KLF12: variants seen among roughly 807,000 people sequenced by gnomAD.
KLF12 encodes KLF transcription factor 12, also known as Krueppel-like factor 12.
A neutral mutation model predicts 37.8 loss-of-function variants in KLF12; 9 were observed. That is an observed-to-expected ratio of 0.24 (90% CI 0.14 to 0.42). The LOEUF (loss-of-function observed/expected upper bound fraction) is 0.42, where lower values mean the gene tolerates loss of function less well. Ranked by LOEUF, KLF12 falls within the 10% of genes least tolerant of loss-of-function variation. The pLI, the probability that KLF12 is intolerant of heterozygous loss-of-function variation, is 1.00. For missense variants in KLF12, 411 were observed against 516.0 expected (o/e 0.80, Z 1.97); for synonymous variants, 208 against 202.1 (o/e 1.03, Z -0.25).
chr13:73,922,287 CTA>C (rs1331500608), intron 3 of KLF12, among the ~76,000 whole-genome samples: 2 of 152,084 alleles, frequency 1.3e-5, no homozygotes, highest in Admixed American at 1.3e-4. Context: ...CTTCAGTTGT[CTA>C]TGTTAGACAT....
At chr13:73,805,656 GGAAGGAAGGAA>G (rs1566380381) in intron 5 of KLF12, among the ~76,000 whole-genome samples, 26 of 35,124 alleles carry the variant, frequency 7.4e-4, no homozygotes, top group Admixed American at 1.3e-3. Flanking sequence ...GAGGGAGGAA[GGAAGGAAGGAA>G]GGAAGGAAGG....
intron 2 of KLF12, among the ~76,000 whole-genome samples, chr13:73,960,100 T>A (rs1386437341): frequency 6.6e-6 from 1 of 152,166 alleles, no homozygotes; most frequent in African/African-American, 2.4e-5. Context: ...ACAATCGACC[T>A]GCTTCCAGTA....
chr13:73,807,849 T>C (rs1325497541), intron 5 of KLF12, among the ~76,000 whole-genome samples: 1 of 152,232 alleles, frequency 6.6e-6, no homozygotes, highest in East Asian at 1.9e-4. Flanking sequence ...ATCCTTTAGC[T>C]TGTTCCTAGT....
At chr13:74,228,876 G>GAA in the KLF12 span, among the ~76,000 whole-genome samples, 3 of 144,634 alleles carry the variant, frequency 2.1e-5, no homozygotes, top group African/African-American at 5.1e-5. Context: ...TCATTAAATT[G>GAA]AAAAAAAAAA....
chr13:74,061,780 T>C (rs568050865), intron 1 of KLF12, among the ~76,000 whole-genome samples: 1 of 152,336 alleles, frequency 6.6e-6, no homozygotes, highest in East Asian at 1.9e-4. Flanking sequence ...CTACTTTGAA[T>C]ACGTAAAGTA....
intron 1 of KLF12, among the ~76,000 whole-genome samples, chr13:74,054,316 G>C (rs967905445): frequency 1.3e-5 from 2 of 152,038 alleles, no homozygotes; most frequent in South Asian, 4.2e-4. Context: ...CAAAAATTTG[G>C]TATCATTTAT....
At chr13:74,028,023 CAATTT>C (rs752864024) in intron 1 of KLF12, among the ~76,000 whole-genome samples, 1 of 152,068 alleles carries the variant, frequency 6.6e-6, no homozygotes, top group African/African-American at 2.4e-5. Flanking sequence ...TTGAATTGGC[CAATTT>C]AATAGCCATT....
intron 3 of KLF12, among the ~76,000 whole-genome samples, chr13:73,851,179 G>C (rs1004195633): frequency 1.3e-5 from 2 of 152,118 alleles, no homozygotes; most frequent in Admixed American, 6.6e-5. Context: ...AACTTCCTCC[G>C]GTTAGAACTA....
intron 3 of KLF12, among the ~76,000 whole-genome samples, chr13:73,917,006 C>T (rs958064267): frequency 4.6e-5 from 7 of 152,178 alleles, no homozygotes; most frequent in South Asian, 2.1e-4. Context: ...ATTCCGTAGG[C>T]CACTCTTGTG....
the KLF12 span, among the ~76,000 whole-genome samples, chr13:74,267,996 G>A: frequency 4.6e-5 from 7 of 152,172 alleles, no homozygotes; most frequent in Admixed American, 1.3e-4. Flanking sequence ...GCTGAAAGAA[G>A]CAAGGAAGGA....
At chr13:73,898,840 TA>T in intron 3 of KLF12, among the ~76,000 whole-genome samples, 1 of 152,174 alleles carries the variant, frequency 6.6e-6, no homozygotes, top group Non-Finnish European at 1.5e-5. Flanking sequence ...GACCAACAGG[TA>T]ATGAAGGATG....
intron 2 of KLF12, among the ~76,000 whole-genome samples, chr13:73,979,531 CA>C (rs1294748275): frequency 6.6e-6 from 1 of 151,226 alleles, no homozygotes; most frequent in Non-Finnish European, 1.5e-5. Context: ...ACAAAGCTAA[CA>C]AAATAGAGAA....
intron 1 of KLF12, among the ~76,000 whole-genome samples, chr13:74,009,595 GAGA>G (rs1483674821): frequency 6.6e-6 from 1 of 152,190 alleles, no homozygotes; most frequent in African/African-American, 2.4e-5. Context: ...GGGAACAAGA[GAGA>G]AGGAGAGAAA....
At chr13:73,715,272 C>G in intron 7 of KLF12, 96 bp downstream of exon 7, 1 of 1,018,394 alleles carries the variant, frequency 9.8e-7, no homozygotes, top group Non-Finnish European at 1.4e-6. Flanking sequence ...TTGAGAGGTA[C>G]ACAGGATGAA....
At chr13:74,245,316 TC>T in the KLF12 span, among the ~76,000 whole-genome samples, 1 of 151,268 alleles carries the variant, frequency 6.6e-6, no homozygotes, top group Non-Finnish European at 1.5e-5. Flanking sequence ...TATCTATCTA[TC>T]TATCTATCTA....
At chr13:74,111,642 C>T (rs771231309) in intron 1 of KLF12, among the ~76,000 whole-genome samples, 2 of 152,118 alleles carry the variant, frequency 1.3e-5, no homozygotes, top group Non-Finnish European at 2.9e-5. Flanking sequence ...ATCATTCACC[C>T]TAAAGAACAC....
the KLF12 span, among the ~76,000 whole-genome samples, chr13:74,157,114 C>T: frequency 5.9e-5 from 9 of 152,038 alleles, no homozygotes; most frequent in East Asian, 1.9e-4. Flanking sequence ...TCTATATCAA[C>T]GAATAAAGAT....
At chr13:73,710,378 C>CTGTG (rs59799453) in intron 7 of KLF12, among the ~76,000 whole-genome samples, 1,641 of 143,960 alleles carry the variant, frequency 0.011, 14 homozygotes, top group East Asian at 0.024. Context: ...AAGATATTGT[C>CTGTG]TGTGTGTGTG....
At chr13:73,858,268 T>G (rs1191943636) in intron 3 of KLF12, among the ~76,000 whole-genome samples, 1 of 152,218 alleles carries the variant, frequency 6.6e-6, no homozygotes, top group Non-Finnish European at 1.5e-5. Context: ...AAGAAAATAT[T>G]CTATACTGTT....
Sources: allele counts gnomAD v4.1 joint callset (sites outside exome capture counted in the v4.1 genomes callset), GRCh38; gene constraint gnomAD v4.1.1; transcripts MANE v1.5; gene names NCBI Gene and HGNC (gene_info 2026-07-23, HGNC 2026-07-21).